Variants in PCBP3 observed in about 807,000 individuals in gnomAD.
PCBP3 encodes poly(rC) binding protein 3.
Under a neutral mutation model 52.7 loss-of-function variants are expected in PCBP3, and 25 were observed. That is an observed-to-expected ratio of 0.47 (90% CI 0.35 to 0.66). The LOEUF (loss-of-function observed/expected upper bound fraction) is 0.66. Ranked by LOEUF, PCBP3 falls within the 30% of genes least tolerant of loss-of-function variation. The probability of loss-of-function intolerance (pLI) is 0.01; values close to 1 mark genes in which losing one functional copy is unlikely to be tolerated. For synonymous variants in PCBP3, 162 were observed against 183.0 expected, an observed-to-expected ratio of 0.89 and a Z score of 0.93; for missense variants, 391 against 490.3, an observed-to-expected ratio of 0.80 and a Z score of 1.91.
At position 45,806,251 on chromosome 21, in the gene PCBP3, G is replaced by A. The variant is rs144194982; in HGVS notation, c.-125-43710G>A. 9.7e-3 allele frequency among the ~76,000 whole-genome samples: 1,478 copies of A among 152,278 alleles called. 8 individuals are homozygous for A. Among genetic ancestry groups the A allele is most frequent in the Middle Eastern group, 0.02 (6 of 294 alleles). ...TGCTGGATGGAACGGCGGCCTTTCC[G>A]CCCTTTGGCCAAGTGCATGCAGAGA... On this transcript the variant is annotated intron_variant, in intron 4 of 17. Coordinates refer to ENST00000681687, the MANE Select transcript of PCBP3 (RefSeq NM_001384156.1).
chr21:45,775,311 T>A (rs1158230476), intron 4 of PCBP3, among the ~76,000 whole-genome samples: 1 of 151,526 alleles, frequency 6.6e-6, no homozygotes, highest in Non-Finnish European at 1.5e-5. Flanking sequence ...CTTTTTTTTT[T>A]ATAATAGTCT....
chr21:45,917,701 A>T lies in PCBP3; in HGVS notation c.717+72A>T. On this transcript the variant is annotated intron_variant, in intron 13 of 17. Transcript: ENST00000681687. This position sits in a 1 kb window ranked among gnomAD's most constrained non-coding sequence, Gnocchi z 5.3. ...GTTTACCTACCTGCATGCTGCTGTT[A>T]ATTGCTACTAACATTAATATTACAC... 1 of 1,117,602 alleles carries T rather than the reference A, an allele frequency of 8.9e-7. No homozygotes were observed. The highest frequency in any genetic ancestry group is 1.4e-6 in the Non-Finnish European group (1 of 727,350). 69.2% of individuals were successfully genotyped at this position (1,117,602 alleles called of 1,614,324 possible).
At chr21:45,881,255 A>G (rs1013690970) in intron 5 of PCBP3, among the ~76,000 whole-genome samples, 1 of 152,258 alleles carries the variant, frequency 6.6e-6, no homozygotes, top group South Asian at 2.1e-4. Flanking sequence ...CTTGCATCAC[A>G]GGAAGAATGG....
chr21:45,792,910 G>T (rs2146427325), intron 4 of PCBP3, among the ~76,000 whole-genome samples: 1 of 152,322 alleles, frequency 6.6e-6, no homozygotes, highest in Non-Finnish European at 1.5e-5. Flanking sequence ...TCCAGTGAGG[G>T]ACAGGGAGCC....
chr21:45,736,326 A>C lies in PCBP3; in HGVS notation c.-162+897A>C, dbSNP rs562102453. Among the ~76,000 whole-genome samples, 1 of 152,144 alleles carries C rather than the reference A, an allele frequency of 6.6e-6. No individual in the cohort carries two copies. The highest frequency in any genetic ancestry group is 2.4e-5 in the African/African-American group (1 of 41,434). On this transcript the variant is annotated intron_variant, in intron 3 of 17. Coordinates refer to ENST00000681687, the MANE Select transcript of PCBP3 (RefSeq NM_001384156.1). This position sits in a 1 kb window ranked among gnomAD's most constrained non-coding sequence, Gnocchi z 4.6. ...GCTGGGATTTGAGCCAAGTCTTCCA[A>C]CTTCACAATAGCAGAGTAAGAAGAG...
At position 45,800,482 on chromosome 21, in the gene PCBP3, G is replaced by T. The variant is rs2092254424; in HGVS notation, c.-126+45030G>T. Among the ~76,000 whole-genome samples, 1 of 152,192 alleles carries T rather than the reference G, an allele frequency of 6.6e-6. No individual in the cohort carries two copies. The highest frequency in any genetic ancestry group is 6.5e-5 in the Admixed American group (1 of 15,280). On this transcript the variant is annotated intron_variant, in intron 4 of 17. Coordinates refer to ENST00000681687, the MANE Select transcript of PCBP3 (RefSeq NM_001384156.1). This position sits in a 1 kb window ranked among gnomAD's most constrained non-coding sequence, Gnocchi z 5.3. ...ACTGGCTCCAAACAGGCGTGTTGTG[G>T]GCGTGTCCTGAGGTGTGTGCCTGAC...
chr21:45,804,597 G>T (rs1371986557), intron 4 of PCBP3, among the ~76,000 whole-genome samples: 1 of 152,082 alleles, frequency 6.6e-6, no homozygotes, highest in Admixed American at 6.5e-5. Flanking sequence ...TTGGTCCATT[G>T]CCTGGGCTCT....
intron 1 of PCBP3, among the ~76,000 whole-genome samples, chr21:45,667,848 ATAG>A (rs1315984352): frequency 2.0e-5 from 3 of 152,018 alleles, no homozygotes; most frequent in Non-Finnish European, 4.4e-5. Context: ...GCTGCTTGTT[ATAG>A]TAGTTTCTGT....
intron 15 of PCBP3, among the ~76,000 whole-genome samples, chr21:45,934,234 A>G (rs2076640280): frequency 1.3e-5 from 2 of 152,086 alleles, no homozygotes; most frequent in Admixed American, 1.3e-4. Flanking sequence ...GAGTTACAAG[A>G]ACCACGTGGG....
chr21:45,770,088 G>C (rs1569203311), intron 4 of PCBP3, among the ~76,000 whole-genome samples: 1 of 152,214 alleles, frequency 6.6e-6, no homozygotes, highest in Non-Finnish European at 1.5e-5. Context: ...CCTCGTGTTG[G>C]ACATGGTGCA....
intron 4 of PCBP3, among the ~76,000 whole-genome samples, chr21:45,793,165 G>A (rs1007828321): frequency 3.9e-5 from 6 of 152,120 alleles, no homozygotes; most frequent in African/African-American, 1.4e-4. Flanking sequence ...ACGGAGACTC[G>A]GTCAGACACA....
chr21:45,816,742 C>CTT (rs35774407), intron 4 of PCBP3, among the ~76,000 whole-genome samples: 4 of 142,578 alleles, frequency 2.8e-5, no homozygotes, highest in Non-Finnish European at 4.6e-5. Context: ...TCTATGTTAA[C>CTT]TTTTTTTTTT....
chr21:45,777,320 A>G (rs183219535), intron 4 of PCBP3, among the ~76,000 whole-genome samples: 6 of 152,162 alleles, frequency 3.9e-5, no homozygotes, highest in African/African-American at 1.4e-4. Flanking sequence ...AGATGACTAG[A>G]TGCTTTTCTC....
intron 4 of PCBP3, among the ~76,000 whole-genome samples, chr21:45,768,965 G>A (rs2089619139): frequency 6.6e-6 from 1 of 152,242 alleles, no homozygotes; most frequent in African/African-American, 2.4e-5. Flanking sequence ...CAGGAGGTGA[G>A]CACGTGTCAG....
At chr21:45,828,386 C>T (rs1399101133) in intron 4 of PCBP3, 4 of 152,234 alleles carry the variant, frequency 2.6e-5, no homozygotes, top group African/African-American at 9.6e-5. Context: ...GGATCTGCCC[C>T]CTCGTGCTCT....
chr21:45,911,585 G>A (rs373070613), intron 11 of PCBP3, among the ~76,000 whole-genome samples: 3 of 152,206 alleles, frequency 2.0e-5, no homozygotes, highest in African/African-American at 7.2e-5. Flanking sequence ...GCTCAGAGCA[G>A]ACGCCTCTCT....
intron 2 of PCBP3, among the ~76,000 whole-genome samples, chr21:45,693,421 A>G (rs1032057771): frequency 1.5e-4 from 23 of 152,188 alleles, no homozygotes; most frequent in African/African-American, 5.5e-4. Context: ...TCTTGGACCC[A>G]GAGGCAGTGG....
intron 5 of PCBP3, 66 bp downstream of exon 5, chr21:45,850,161 T>C (rs374645302): frequency 1.7e-5 from 22 of 1,314,562 alleles, no homozygotes; most frequent in African/African-American, 1.5e-4. Flanking sequence ...AAAGTCAGAC[T>C]TACCCTTGAC....
At position 45,904,795 on chromosome 21, in the gene PCBP3, C is replaced by T. The variant is rs1209691869; in HGVS notation, c.339+3682C>T. 6.6e-6 allele frequency among the ~76,000 whole-genome samples: 1 copy of T among 152,178 alleles called. No individual in the cohort carries two copies. The highest frequency in any genetic ancestry group is 1.5e-5 in the Non-Finnish European group (1 of 68,024). The stretch of plus-strand genomic sequence containing the variant: ...GGGCCCTTGAGTCGTCGCTCTGGGG[C>T]CGTGTCTCACCCTCACACCATGTCA... On this transcript the variant is annotated intron_variant, in intron 9 of 17. Transcript: ENST00000681687. The surrounding 1 kb of genome is among the most constrained non-coding windows in gnomAD (Gnocchi z 4.8).
Sources: gnomAD v4.1 joint callset for allele counts (sites outside exome capture counted in the v4.1 genomes callset) on GRCh38, gnomAD v4.1.1 for gene constraint, Gnocchi (gnomAD v3.1) non-coding constraint, MANE v1.5 for transcripts, NCBI Gene and HGNC (gene_info 2026-07-23, HGNC 2026-07-21) for gene names.